Variants in PIP4K2C observed in about 807,000 individuals in gnomAD.
The protein encoded by PIP4K2C is phosphatidylinositol-5-phosphate 4-kinase type 2 gamma, also known as phosphatidylinositol 5-phosphate 4-kinase type-2 gamma.
PIP4K2C carries 21 observed loss-of-function variants against 45.0 expected under a neutral mutation model. That is an observed-to-expected ratio of 0.47 (90% CI 0.33 to 0.67). The LOEUF (loss-of-function observed/expected upper bound fraction) is 0.67, where lower values mean the gene tolerates loss of function less well. PIP4K2C is among the 30% of genes least tolerant of loss of function. The pLI is 0.02. For synonymous variants in PIP4K2C, 201 were observed against 204.8 expected, an observed-to-expected ratio of 0.98 and a Z score of 0.16; for missense variants, 456 against 542.8, an observed-to-expected ratio of 0.84 and a Z score of 1.59.
rs2140194342 is a variant in PIP4K2C at position 57,601,271 on chromosome 12, A to G, written c.1108A>G (p.Met370Val). ...AGCCCCCCAGAAGGAGGTCTACTTC[A>G]TGGGCCTCATTGATATCCTTACACA... is the stretch of plus-strand genomic sequence containing the variant. The part of the protein sequence containing the change: ...EGAPQKEVYF[M>V]GLIDILTQYD... Residue 370 changes from methionine (M) to valine (V), a missense_variant, in exon 9 of 10, where the codon ATG becomes GTG. Transcript: ENST00000354947. 3 of 1,613,800 alleles carry G rather than the reference A, an allele frequency of 1.9e-6. No homozygotes were observed. The highest frequency in any genetic ancestry group is 2.2e-5 in the South Asian group (2 of 91,050).
At chr12:57,594,791 A>G (rs1883116498) in intron 2 of PIP4K2C, among the ~76,000 whole-genome samples, 1 of 152,074 alleles carries the variant, frequency 6.6e-6, no homozygotes, top group South Asian at 2.1e-4. Flanking sequence ...AAACATGGCA[A>G]AACCCTATCT....
At chr12:57,595,002 A>C in intron 2 of PIP4K2C, 124 bp from the exon 3 acceptor site, 1 of 635,706 alleles carries the variant, frequency 1.6e-6, no homozygotes, top group Non-Finnish European at 2.8e-6. Flanking sequence ...AATTAAAAAA[A>C]AAGGACCTCA....
rs370735736 is a variant in PIP4K2C, at chr12:57,591,301, C to T, written c.12C>T (p.Ser4=). 3.7e-6 allele frequency: 6 copies of T among 1,611,536 alleles called. No individual in the cohort carries two copies. The highest frequency in any genetic ancestry group is 3.4e-6 in the Non-Finnish European group (4 of 1,178,610). MAS[S]SVPPATVSAA... ...TTGCGCGGGAGACTATGGCGTCCTC[C>T]TCGGTCCCACCAGCCACGGTATCGG... Residue 4 remains serine, a synonymous_variant, in exon 1 of 10, where the codon TCC becomes TCT. Coordinates refer to ENST00000354947, the MANE Select transcript of PIP4K2C (RefSeq NM_024779.5).
intron 1 of PIP4K2C, 35 bp downstream of exon 1, chr12:57,591,498 C>T: frequency 1.3e-6 from 2 of 1,555,238 alleles, no homozygotes; most frequent in Non-Finnish European, 1.7e-6. Context: ...CAGCCCTGTC[C>T]AAACCCCTCG....
chr12:57,591,503 C>T, intron 1 of PIP4K2C, 40 bp downstream of exon 1: 1 of 1,529,820 alleles, frequency 6.5e-7, no homozygotes, highest in Non-Finnish European at 8.8e-7. Flanking sequence ...CTGTCCAAAC[C>T]CCTCGGCTCC....
chr12:57,601,100 A>T (rs201179238), intron 8 of PIP4K2C, 22 bp downstream of exon 8: 479 of 1,610,070 alleles, frequency 3.0e-4, no homozygotes, highest in Middle Eastern at 2.4e-3. Context: ...GGGACAATTT[A>T]AGGGTGGAGA....
In PIP4K2C at chr12:57,596,050, C is replaced by T; in HGVS notation, c.513+19C>T. 6.2e-7 allele frequency: 1 copy of T among 1,608,236 alleles called. No individual in the cohort carries two copies. On this transcript the variant is annotated intron_variant, in intron 4 of 9. Coordinates refer to ENST00000354947, the MANE Select transcript of PIP4K2C (RefSeq NM_024779.5). ...TCACCAGGTCAGGCCTCTCTCTAGC[C>T]CCATTCTTTCCCTCTCCTCCCTACT...
rs140834378 is a variant in PIP4K2C, at chr12:57,595,153, C to T, written c.300C>T (p.Phe100=). The T allele has an allele frequency of 1.9e-6, 3 of 1,610,776 alleles. No homozygotes were observed. The African/African-American group carries it at 4.0e-5, about 22-fold the overall frequency. ...AAAATCTGCCCAGTCATTTCAAGTT[C>T]AAGGAGTATTGTCCCCAGGTCTTCA... ...HRENLPSHFK[F]KEYCPQVFRN... is the part of the protein sequence containing the mutation. The change falls in exon 3 of 10, where the codon TTC becomes TTT. Residue 100 remains phenylalanine, a synonymous_variant. Transcript: ENST00000354947.
Position 57,596,016 on chromosome 12 carries a change from C to T in PIP4K2C, c.498C>T (p.Leu166=). 1 of 1,613,936 alleles carries T rather than the reference C, an allele frequency of 6.2e-7. No homozygotes were observed. The highest frequency in any genetic ancestry group is 8.5e-7 in the Non-Finnish European group (1 of 1,179,810). Residue 166 remains leucine (L), a synonymous_variant, in exon 4 of 10, where the codon CTC becomes CTT. Transcript: ENST00000354947. The part of the protein sequence containing the change: ...SEDIADMHSN[L]SNYHQYIVKC... ...ACATTGCTGACATGCATAGCAACCT[C>T]TCCAACTATCACCAGGTCAGGCCTC... is the stretch of plus-strand genomic sequence containing the variant.
Position 57,601,921 on chromosome 12 carries a change from T to C in PIP4K2C, c.*315T>C, listed in dbSNP as rs1883459327. 5.7e-6 allele frequency: 2 copies of C among 350,220 alleles called. No homozygotes were observed. The highest frequency in any genetic ancestry group is 1.1e-5 in the Non-Finnish European group (2 of 186,770). 21.7% of individuals were successfully genotyped at this position (350,220 alleles called of 1,614,324 possible). A position where few individuals can be genotyped will look rare whatever the true frequency, so the allele number is the denominator to read the frequency against. ...GTAATATCTCCTGTTGTTTCTATGA[T>C]ATAGGAGCTAGGGGAAGGGGGTTGT... On this transcript the variant is annotated 3_prime_UTR_variant, in exon 10 of 10. Coordinates refer to ENST00000354947, the MANE Select transcript of PIP4K2C (RefSeq NM_024779.5).
rs370696171 is a variant in PIP4K2C at position 57,591,514 on chromosome 12, G to A, written c.174+51G>A. 6 of 1,497,532 alleles carry A rather than the reference G, an allele frequency of 4.0e-6. No individual in the cohort carries two copies. The African/African-American group carries it at 7.2e-5, about 18-fold the overall frequency. 92.8% of individuals were successfully genotyped at this position (1,497,532 alleles called of 1,614,324 possible). A position where few individuals can be genotyped will look rare whatever the true frequency, so the allele number is the denominator to read the frequency against. ...AGCCCTGTCCAAACCCCTCGGCTCC[G>A]AGGCGTCCCTGTTTCCAGGCTCCAG... is the stretch of plus-strand genomic sequence containing the variant. On this transcript the variant is annotated intron_variant, in intron 1 of 9. Transcript: ENST00000354947.
Position 57,591,401 on chromosome 12 carries a change from G to T in PIP4K2C, c.112G>T (p.Val38Leu). ...GAAGAAGCATTTCGTGCAGCAGAAG[G>T]TGAAGGTGTTCCGGGCGGCCGACCC... ...TKKKHFVQQK[V>L]KVFRAADPLV... The change falls in exon 1 of 10, where the codon GTG becomes TTG. Residue 38 changes from valine (V) to leucine (L), a missense_variant. Physicochemically the swap from Val to Leu is conservative, Grantham distance 32. Around this residue, in one of 2 missense-constraint regions of PIP4K2C, gnomAD observed 421 missense variants for 473.1 expected, o/e 0.89. Coordinates refer to ENST00000354947, the MANE Select transcript of PIP4K2C (RefSeq NM_024779.5). The T allele has an allele frequency of 6.2e-7, 1 of 1,613,922 alleles. No homozygotes were observed. The highest frequency in any genetic ancestry group is 8.5e-7 in the Non-Finnish European group (1 of 1,179,896).
intron 2 of PIP4K2C, among the ~76,000 whole-genome samples, 188 bp from the exon 3 acceptor site, chr12:57,594,938 C>A (rs1883122783): frequency 6.6e-6 from 1 of 151,796 alleles, no homozygotes; most frequent in South Asian, 2.1e-4. Context: ...CCACTGCAGT[C>A]CAACCTGGCA....
intron 1 of PIP4K2C, among the ~76,000 whole-genome samples, chr12:57,592,250 G>T (rs1882995563): frequency 6.6e-6 from 1 of 152,138 alleles, no homozygotes; most frequent in African/African-American, 2.4e-5. Context: ...AGGCCAAGGA[G>T]ACCTCCATCC....
At chr12:57,599,353 G>C (rs1168193288) in intron 5 of PIP4K2C, 47 bp from the exon 6 acceptor site, 3 of 1,613,306 alleles carry the variant, frequency 1.9e-6, no homozygotes, top group Non-Finnish European at 2.5e-6. Flanking sequence ...GGTTCTGACT[G>C]TTCTTTTAGC....
At chr12:57,599,271 A>G (rs1883325273) in intron 5 of PIP4K2C, 60 bp downstream of exon 5, 1 of 1,607,888 alleles carries the variant, frequency 6.2e-7, no homozygotes, top group Non-Finnish European at 8.5e-7. Context: ...AATGGGGAAG[A>G]CCCTGGGAGG....
chr12:57,593,391 G>A (rs1244168977), intron 1 of PIP4K2C, among the ~76,000 whole-genome samples: 1 of 152,196 alleles, frequency 6.6e-6, no homozygotes, highest in Non-Finnish European at 1.5e-5. Context: ...GGGAACAGAC[G>A]CCTAATGAGC....
chr12:57,599,535 T>G, intron 6 of PIP4K2C, 97 bp downstream of exon 6: 3 of 1,239,550 alleles, frequency 2.4e-6, no homozygotes, highest in Non-Finnish European at 3.5e-6. Flanking sequence ...TATATAGGAA[T>G]AGGGATTACT....
intron 4 of PIP4K2C, among the ~76,000 whole-genome samples, chr12:57,596,786 GA>G (rs755921237): frequency 1.3e-4 from 20 of 152,320 alleles, no homozygotes; most frequent in Non-Finnish European, 2.6e-4. Context: ...CACACCGCAA[GA>G]TATATACAAT....
Sources: gnomAD v4.1 joint callset for allele counts (sites outside exome capture counted in the v4.1 genomes callset) on GRCh38, gnomAD v4.1.1 for gene constraint, gnomAD v4.1.1 regional missense constraint, MANE v1.5 for transcripts, NCBI Gene and HGNC (gene_info 2026-07-23, HGNC 2026-07-21) for gene names.